Variants in CDKL5 observed in about 807,000 individuals in gnomAD.
The protein encoded by CDKL5 is cyclin-dependent kinase-like 5.
A neutral mutation model predicts 61.7 loss-of-function variants in CDKL5; 8 were observed. That is an observed-to-expected ratio of 0.13 (90% confidence interval 0.08 to 0.23). CDKL5 has a LOEUF of 0.23. CDKL5 is among the 10% of genes least tolerant of loss of function. The pLI is 1.00. For synonymous variants in CDKL5, 275 were observed against 272.3 expected (o/e 1.01, Z -0.10); for missense variants, 440 against 734.5 (o/e 0.60, Z 4.63).
At chrX:18,560,717 G>T (rs1014274842) in intron 3 of CDKL5, among the ~76,000 whole-genome samples, 1 of 110,044 alleles carries the variant, frequency 9.1e-6, no homozygotes, top group Non-Finnish European at 1.9e-5. Context: ...AACGTTTAAG[G>T]TTGCTATAAG....
intron 17 of CDKL5, among the ~76,000 whole-genome samples, chrX:18,625,687 A>G (rs1350702371): frequency 8.9e-6 from 1 of 112,222 alleles, no homozygotes; most frequent in African/African-American, 3.2e-5. Flanking sequence ...TTCTTGAAAG[A>G]ATATTTCAAC....
At chrX:18,587,909 T>C (rs763212886) in intron 8 of CDKL5, 45 bp from the exon 9 acceptor site, 1 of 1,102,705 alleles carries the variant, frequency 9.1e-7, no homozygotes. Flanking sequence ...ATCAAAACAT[T>C]ATATTTTTTC....
rs775778380 is a variant in CDKL5 at position 18,542,791 on chromosome X, C to T, written c.100-21686C>T. Among the ~76,000 whole-genome samples the T allele has an allele frequency of 8.2e-5, 9 of 110,035 alleles. No homozygotes were observed. The South Asian group carries it at 2.4e-3, about 29-fold the overall frequency. Reference sequence around the variant, plus strand: ...GCAAATGTGTATATTCAATTTCCCTCTTGGTCCCATTGATACCACCTCCGC... The same window carrying T: ...GCAAATGTGTATATTCAATTTCCCTTTTGGTCCCATTGATACCACCTCCGC... On this transcript the variant is annotated intron_variant, in intron 3 of 17. Coordinates refer to ENST00000623535, the MANE Select transcript of CDKL5 (RefSeq NM_001323289.2).
In CDKL5 at chrX:18,613,197, C is replaced by A; in HGVS notation, c.2198C>A (p.Ser733Ter). The change falls in exon 15 of 18, where the codon TCA becomes TAA. Residue 733 changes from serine (S) to a stop codon, truncating the protein, a stop_gained. Transcript: ENST00000623535. LOFTEE classifies it high-confidence loss of function. ...PDNSFHENNV[S>*]TRVSSLPSES... Reference sequence around the variant, plus strand: ...AATTCTTTCCATGAAAATAATGTGTCAACTAGAGTTTCTTCTCTACCATCA... The same window carrying A: ...AATTCTTTCCATGAAAATAATGTGTAAACTAGAGTTTCTTCTCTACCATCA... 8.4e-7 allele frequency: 1 copy of A among 1,193,824 alleles called. No individual in the cohort carries two copies. The highest frequency in any genetic ancestry group is 1.8e-5 in the South Asian group (1 of 56,549).
rs1196144756 is a variant in CDKL5 at position 18,628,775 on chromosome X, G to A, written c.*18G>A. On this transcript the variant is annotated 3_prime_UTR_variant, in exon 18 of 18. Transcript: ENST00000623535. Reference sequence around the variant, plus strand: ...CCTTGTAATTTGTGCTGGTAGGGGGGAGGGGTGGACAGACAAGCCAGTGGG... The same window carrying A: ...CCTTGTAATTTGTGCTGGTAGGGGGAAGGGGTGGACAGACAAGCCAGTGGG... 1 of 1,093,687 alleles carries A rather than the reference G, an allele frequency of 9.1e-7. No homozygotes were observed. The highest frequency in any genetic ancestry group is 1.2e-6 in the Non-Finnish European group (1 of 838,615). The allele number at this position is 1,093,687 out of a possible 1,213,427, so 90.1% of individuals were successfully genotyped here.
intron 8 of CDKL5, among the ~76,000 whole-genome samples, chrX:18,585,778 T>C (rs1228438191): frequency 4.5e-5 from 5 of 112,224 alleles, no homozygotes; most frequent in Admixed American, 2.8e-4. Flanking sequence ...CAAATAAAAT[T>C]AGATATAGTG....
chrX:18,646,048 C>T, exon 20 of CDKL5: 1 of 1,212,045 alleles, frequency 8.3e-7, no homozygotes. Flanking sequence ...CCATTCTGGA[C>T]CCCAAGATAG....
At chrX:18,434,631 G>A (rs1931571678) in intron 1 of CDKL5, among the ~76,000 whole-genome samples, 1 of 112,065 alleles carries the variant, frequency 8.9e-6, no homozygotes, top group South Asian at 3.6e-4. Context: ...TTTAAACTGT[G>A]TATTTTGTAT....
chrX:18,551,558 A>ACAT (rs1422852790), intron 3 of CDKL5, among the ~76,000 whole-genome samples: 1 of 53,969 alleles, frequency 1.9e-5, no homozygotes, highest in Non-Finnish European at 3.7e-5. Flanking sequence ...AGATACCTTG[A>ACAT]CATTATTATT....
At chrX:18,558,279 A>G (rs1008767694) in intron 3 of CDKL5, among the ~76,000 whole-genome samples, 2 of 112,188 alleles carry the variant, frequency 1.8e-5, no homozygotes, top group East Asian at 2.8e-4. Context: ...GTAACAAACT[A>G]TGCCTATCTT....
intron 1 of CDKL5, among the ~76,000 whole-genome samples, chrX:18,504,834 G>T (rs777009937): frequency 2.8e-5 from 3 of 108,974 alleles, no homozygotes; most frequent in Non-Finnish European, 5.7e-5. Flanking sequence ...ACGGGAGGCT[G>T]AGGCAGGAGA....
chrX:18,605,532 G>A (rs1439185115), intron 12 of CDKL5, among the ~76,000 whole-genome samples: 1 of 111,537 alleles, frequency 9.0e-6, no homozygotes, highest in Non-Finnish European at 1.9e-5. Flanking sequence ...AGGCTGCAGT[G>A]AGCCAAGATC....
At chrX:18,559,514 T>G (rs1924718584) in intron 3 of CDKL5, among the ~76,000 whole-genome samples, 1 of 110,667 alleles carries the variant, frequency 9.0e-6, no homozygotes, top group African/African-American at 3.3e-5. Context: ...GCCGTAAGGA[T>G]GAGTTTTAAA....
intron 3 of CDKL5, among the ~76,000 whole-genome samples, chrX:18,556,733 A>G (rs1924613981): frequency 9.0e-6 from 1 of 110,521 alleles, no homozygotes; most frequent in Non-Finnish European, 1.9e-5. Flanking sequence ...AAATACAGAA[A>G]TTAGCTGGGC....
In CDKL5 at chrX:18,608,224, A is replaced by G. The variant is rs146008385; in HGVS notation, c.1945-587A>G. ...ATCATGATTTGGCTTCAGAAAATAC[A>G]TGAAACATAAGTGCTGTTATCCTAG... On this transcript the variant is annotated intron_variant, in intron 12 of 17. Coordinates refer to ENST00000623535, the MANE Select transcript of CDKL5 (RefSeq NM_001323289.2). Among the ~76,000 whole-genome samples, 456 of 112,215 alleles carry G rather than the reference A, an allele frequency of 4.1e-3. 2 individuals carry two copies. Among genetic ancestry groups the G allele is most frequent in the Non-Finnish European group, 6.6e-3 (349 of 53,274 alleles).
At chrX:18,497,858 G>GCAGTGCA (rs914781165) in intron 1 of CDKL5, among the ~76,000 whole-genome samples, 1 of 107,311 alleles carries the variant, frequency 9.3e-6, no homozygotes, top group Non-Finnish European at 1.9e-5. Flanking sequence ...TGTCACCCCG[G>GCAGTGCA]CAGTGCACAG....
chrX:18,426,046 C>T (rs963005155), intron 1 of CDKL5, among the ~76,000 whole-genome samples: 1 of 112,377 alleles, frequency 8.9e-6, no homozygotes, highest in Non-Finnish European at 1.9e-5. Flanking sequence ...CCCGCCGCTC[C>T]CGCGGCACGA....
chrX:18,510,782 T>C lies in CDKL5; in HGVS notation c.65-38T>C, dbSNP rs371743051. ...CAGTATAGCAGAGCTTTGTAGTTTGTATGCGTGCCCTTGATTGTTTACTTC... is the reference window on the plus strand; with the variant it reads ...CAGTATAGCAGAGCTTTGTAGTTTGCATGCGTGCCCTTGATTGTTTACTTC... On this transcript the variant is annotated intron_variant, in intron 2 of 17. Coordinates refer to ENST00000623535, the MANE Select transcript of CDKL5 (RefSeq NM_001323289.2). 67 of 1,133,158 alleles carry C rather than the reference T, an allele frequency of 5.9e-5. No homozygotes were observed. The African/African-American group carries it at 1.1e-3, about 18-fold the overall frequency. 93.4% of individuals were successfully genotyped at this position (1,133,158 alleles called of 1,213,427 possible). A position where few individuals can be genotyped will look rare whatever the true frequency, so the allele number is the denominator to read the frequency against.
chrX:18,493,854 C>CA (rs1202696209), intron 1 of CDKL5, among the ~76,000 whole-genome samples: 1 of 112,268 alleles, frequency 8.9e-6, no homozygotes, highest in Non-Finnish European at 1.9e-5. Context: ...AAGATGTCTT[C>CA]AAAATCCTTT....
Sources: allele counts gnomAD v4.1 joint callset (sites outside exome capture counted in the v4.1 genomes callset), GRCh38; gene constraint gnomAD v4.1.1; transcripts MANE v1.5; gene names NCBI Gene and HGNC (gene_info 2026-07-23, HGNC 2026-07-21).